Variants in KCNMA1 observed in about 807,000 individuals in gnomAD.
The protein encoded by KCNMA1 is Calcium-activated potassium channel subunit alpha-1.
KCNMA1 carries 29 observed loss-of-function variants against 140.0 expected under a neutral mutation model. The ratio of observed to expected loss-of-function variants is 0.21; its 90% CI spans 0.15 to 0.28. The LOEUF (loss-of-function observed/expected upper bound fraction) is 0.28, where lower values mean the gene tolerates loss of function less well. KCNMA1 is among the 10% of genes least tolerant of loss of function. The pLI, the probability that KCNMA1 is intolerant of heterozygous loss-of-function variation, is 1.00. For synonymous variants in KCNMA1, 612 were observed against 611.9 expected (o/e 1.00, Z 0.00); for missense variants, 880 against 1,602.2 (o/e 0.55, Z 7.70).
chr10:76,938,739 C>T (rs570181646), intron 23 of KCNMA1, among the ~76,000 whole-genome samples: 1 of 152,206 alleles, frequency 6.6e-6, no homozygotes, highest in Non-Finnish European at 1.5e-5. Context: ...CTCCCTGCTG[C>T]CTTATATGTA....
At chr10:77,448,110 A>T (rs1052997536) in intron 1 of KCNMA1, among the ~76,000 whole-genome samples, 36 of 152,078 alleles carry the variant, frequency 2.4e-4, no homozygotes, top group African/African-American at 8.4e-4. Context: ...AGATATCCAG[A>T]GTGTGCCCAT....
chr10:77,244,590 A>T (rs980406537), intron 3 of KCNMA1, among the ~76,000 whole-genome samples: 1 of 152,200 alleles, frequency 6.6e-6, no homozygotes, highest in African/African-American at 2.4e-5. Flanking sequence ...CAAAGAACAG[A>T]TCCTGTCCCC....
At chr10:77,080,029 T>C (rs2096525501) in intron 12 of KCNMA1, among the ~76,000 whole-genome samples, 1 of 152,110 alleles carries the variant, frequency 6.6e-6, no homozygotes, top group South Asian at 2.1e-4. Flanking sequence ...TACATACAAT[T>C]TGGGGAAGCC....
intron 1 of KCNMA1, among the ~76,000 whole-genome samples, chr10:77,452,985 A>T (rs2097691352): frequency 6.6e-6 from 1 of 152,150 alleles, no homozygotes; most frequent in Admixed American, 6.5e-5. Flanking sequence ...GAAAACAGGG[A>T]TGGGGGTACC....
At chr10:77,351,627 G>A (rs1260887645) in intron 2 of KCNMA1, among the ~76,000 whole-genome samples, 2 of 152,086 alleles carry the variant, frequency 1.3e-5, no homozygotes, top group African/African-American at 4.8e-5. Context: ...CCTCCCAGGG[G>A]GAAAAGAATT....
chr10:77,117,559 A>G (rs1367570960), intron 6 of KCNMA1, among the ~76,000 whole-genome samples: 26 of 150,636 alleles, frequency 1.7e-4, no homozygotes, highest in Middle Eastern at 3.4e-3. Flanking sequence ...AAAAAAAAAA[A>G]AAAAAAGAAA....
intron 2 of KCNMA1, among the ~76,000 whole-genome samples, chr10:77,369,500 A>G (rs2094550920): frequency 6.6e-6 from 1 of 152,186 alleles, no homozygotes. Context: ...CAATCTGATT[A>G]AGGCCATCAG....
At chr10:77,053,888 A>C (rs1214672251) in intron 14 of KCNMA1, among the ~76,000 whole-genome samples, 1 of 152,114 alleles carries the variant, frequency 6.6e-6, no homozygotes, top group Non-Finnish European at 1.5e-5. Context: ...TACAGCAGGT[A>C]AATAGGGAGC....
At chr10:76,874,204 A>T (rs1281587657), downstream of KCNMA1, 1 of 152,218 alleles carries the variant, frequency 6.6e-6, no homozygotes, top group Non-Finnish European at 1.5e-5. Flanking sequence ...ATCTAAAGTG[A>T]AAAGACCAGG....
At chr10:77,435,110 T>TA (rs61678859) in intron 1 of KCNMA1, among the ~76,000 whole-genome samples, 4 of 151,768 alleles carry the variant, frequency 2.6e-5, no homozygotes, top group African/African-American at 4.8e-5. Context: ...ATTTTTTTTT[T>TA]AATTTTTTGT....
At chr10:76,926,732 G>C (rs1564954103) in intron 23 of KCNMA1, among the ~76,000 whole-genome samples, 3 of 152,104 alleles carry the variant, frequency 2.0e-5, no homozygotes, top group Admixed American at 2.0e-4. Context: ...AGTCATTCAT[G>C]GGGTTGTTCT....
chr10:77,635,237 GCATTT>G (rs2093625460), intron 1 of KCNMA1: 1 of 152,178 alleles, frequency 6.6e-6, no homozygotes, highest in African/African-American at 2.4e-5. Context: ...GATGGGATTA[GCATTT>G]CATTACAGAC....
intron 15 of KCNMA1, among the ~76,000 whole-genome samples, chr10:77,028,211 T>G (rs1311090661): frequency 6.6e-6 from 1 of 152,094 alleles, no homozygotes; most frequent in African/African-American, 2.4e-5. Flanking sequence ...CTCGGTCGGG[T>G]AGTAAAATGT....
intron 2 of KCNMA1, among the ~76,000 whole-genome samples, chr10:77,327,023 A>G (rs144936147): frequency 3.9e-5 from 6 of 152,232 alleles, no homozygotes; most frequent in African/African-American, 1.4e-4. Context: ...GACTTATGTC[A>G]TCCAACCAAC....
intron 1 of KCNMA1, among the ~76,000 whole-genome samples, chr10:77,556,502 C>CAAAAAAAA (rs11446237): frequency 1.5e-5 from 1 of 68,892 alleles, no homozygotes; most frequent in Non-Finnish European, 2.4e-5. Flanking sequence ...GGGACTATCT[C>CAAAAAAAA]AAAAAAAAAA....
At chr10:77,310,091 G>A (rs924442214) in intron 2 of KCNMA1, among the ~76,000 whole-genome samples, 1 of 152,186 alleles carries the variant, frequency 6.6e-6, no homozygotes, top group African/African-American at 2.4e-5. Flanking sequence ...GAAGGCATGG[G>A]GGGACATGAG....
intron 2 of KCNMA1, among the ~76,000 whole-genome samples, chr10:77,399,131 C>T (rs529575206): frequency 5.3e-5 from 8 of 152,270 alleles, no homozygotes; most frequent in East Asian, 1.9e-4. Flanking sequence ...GACATGATCC[C>T]TTTCTCGATT....
intron 2 of KCNMA1, among the ~76,000 whole-genome samples, chr10:77,298,546 A>C (rs1014528680): frequency 6.6e-6 from 1 of 152,076 alleles, no homozygotes; most frequent in African/African-American, 2.4e-5. Flanking sequence ...CCAAACTTGC[A>C]GCTTATTTTA....
chr10:77,444,990 G>A (rs2097494838), intron 1 of KCNMA1, among the ~76,000 whole-genome samples: 1 of 152,172 alleles, frequency 6.6e-6, no homozygotes, highest in Non-Finnish European at 1.5e-5. Flanking sequence ...CAGGCCATGA[G>A]ATTTGGTTTC....
Sources: allele counts gnomAD v4.1 joint callset (sites outside exome capture counted in the v4.1 genomes callset), GRCh38; gene constraint gnomAD v4.1.1; transcripts MANE v1.5; gene names NCBI Gene and HGNC (gene_info 2026-07-23, HGNC 2026-07-21).